ARHGAP24: variants seen among roughly 807,000 people sequenced by gnomAD.
The protein encoded by ARHGAP24 is rho GTPase-activating protein 24.
ARHGAP24 carries 50 observed loss-of-function variants against 76.4 expected under a neutral mutation model. That is an observed-to-expected ratio of 0.65 (90% CI 0.52 to 0.83). The LOEUF is 0.83. ARHGAP24 is among the 40% of genes least tolerant of loss of function. The pLI, the probability that ARHGAP24 is intolerant of heterozygous loss-of-function variation, is 0.00. For synonymous variants in ARHGAP24, 345 were observed against 323.3 expected (o/e 1.07, Z -0.72); for missense variants, 930 against 914.2 (o/e 1.02, Z -0.22).
At chr4:85,516,732 A>G (rs1338664242) in intron 1 of ARHGAP24, among the ~76,000 whole-genome samples, 1 of 149,728 alleles carries the variant, frequency 6.7e-6, no homozygotes, top group Non-Finnish European at 1.5e-5. Context: ...TGTTTTCTTC[A>G]TTTTTAGTCT....
At chr4:85,889,507 AC>A (rs1407810770) in intron 3 of ARHGAP24, among the ~76,000 whole-genome samples, 1 of 152,202 alleles carries the variant, frequency 6.6e-6, no homozygotes. Flanking sequence ...GAAGTGAAAC[AC>A]CTTTTATTCT....
At chr4:85,667,435 G>T (rs929673584) in intron 2 of ARHGAP24, among the ~76,000 whole-genome samples, 1 of 151,484 alleles carries the variant, frequency 6.6e-6, no homozygotes, top group African/African-American at 2.5e-5. Flanking sequence ...GGAACTCCCT[G>T]ACCCCTTGTG....
At chr4:85,890,745 G>C (rs981366920) in intron 3 of ARHGAP24, among the ~76,000 whole-genome samples, 2 of 152,158 alleles carry the variant, frequency 1.3e-5, no homozygotes, top group African/African-American at 4.8e-5. Flanking sequence ...AGACTGTTAA[G>C]GGCTTTGCAC....
intron 3 of ARHGAP24, chr4:85,778,665 T>C: frequency 1.0e-6 from 1 of 983,856 alleles, no homozygotes; most frequent in Non-Finnish European, 1.2e-6. Context: ...TATTTCCTTG[T>C]AGGTTTTTTT....
intron 1 of ARHGAP24, among the ~76,000 whole-genome samples, chr4:85,511,188 G>C (rs571230326): frequency 6.6e-6 from 1 of 152,256 alleles, no homozygotes; most frequent in East Asian, 1.9e-4. Context: ...AACTGAGGCA[G>C]AAAATAAGAA....
intron 2 of ARHGAP24, among the ~76,000 whole-genome samples, chr4:85,586,113 C>T (rs1426374283): frequency 6.6e-6 from 1 of 152,192 alleles, no homozygotes; most frequent in Admixed American, 6.5e-5. Context: ...CTTGTTATCG[C>T]TCTTTCTTTT....
chr4:85,755,645 T>TTTTTTTTTGAGACGGAGTCTC (rs1726461381), intron 3 of ARHGAP24, among the ~76,000 whole-genome samples: 1 of 114,870 alleles, frequency 8.7e-6, no homozygotes, highest in Non-Finnish European at 1.9e-5. Flanking sequence ...TGTTTTGTTT[T>TTTTTTTTTGAGACGGAGTCTC]GTTTTGAGAC....
chr4:85,523,867 T>A (rs1352693310), intron 1 of ARHGAP24, among the ~76,000 whole-genome samples: 1 of 152,086 alleles, frequency 6.6e-6, no homozygotes, highest in Non-Finnish European at 1.5e-5. Flanking sequence ...ATGGATTCTA[T>A]TGATTTCTTT....
chr4:85,961,863 G>T (rs1738278027), intron 5 of ARHGAP24, among the ~76,000 whole-genome samples: 1 of 151,976 alleles, frequency 6.6e-6, no homozygotes, highest in African/African-American at 2.4e-5. Context: ...CTCTTGGGAA[G>T]TCCTTGGTTA....
At chr4:85,531,019 G>A (rs1381109535) in intron 1 of ARHGAP24, among the ~76,000 whole-genome samples, 1 of 152,002 alleles carries the variant, frequency 6.6e-6, no homozygotes, top group Non-Finnish European at 1.5e-5. Context: ...ACATAAGCCA[G>A]ATGGCTGATT....
At chr4:85,928,454 T>G (rs1736142264) in intron 4 of ARHGAP24, among the ~76,000 whole-genome samples, 2 of 152,066 alleles carry the variant, frequency 1.3e-5, no homozygotes, top group Admixed American at 1.3e-4. Flanking sequence ...ATAGTTTTTT[T>G]GTTTTGTTTT....
intron 2 of ARHGAP24, among the ~76,000 whole-genome samples, chr4:85,698,996 T>C (rs1405657985): frequency 6.6e-6 from 1 of 152,148 alleles, no homozygotes; most frequent in African/African-American, 2.4e-5. Context: ...TGACATCCCT[T>C]ATGACCTCAT....
intron 5 of ARHGAP24, among the ~76,000 whole-genome samples, chr4:85,957,155 TCAGC>T (rs1380218967): frequency 2.1e-5 from 2 of 95,602 alleles, no homozygotes; most frequent in Non-Finnish European, 4.8e-5. Context: ...GGATTCTTAG[TCAGC>T]CTAGGAAATC....
intron 4 of ARHGAP24, among the ~76,000 whole-genome samples, chr4:85,929,013 C>T (rs954252039): frequency 6.6e-6 from 1 of 152,072 alleles, no homozygotes; most frequent in African/African-American, 2.4e-5. Context: ...GTTTTACTTC[C>T]CTTGCCTTTG....
chr4:85,647,388 G>A (rs1346744568), intron 2 of ARHGAP24, among the ~76,000 whole-genome samples: 1 of 151,896 alleles, frequency 6.6e-6, no homozygotes, highest in Non-Finnish European at 1.5e-5. Context: ...CTTTGGCTTG[G>A]TTTGGTGTCC....
At chr4:85,890,774 C>T (rs1427831203) in intron 3 of ARHGAP24, among the ~76,000 whole-genome samples, 1 of 152,096 alleles carries the variant, frequency 6.6e-6, no homozygotes, top group East Asian at 1.9e-4. Context: ...AACTGGGGAC[C>T]TTATCCTCTC....
intron 2 of ARHGAP24, among the ~76,000 whole-genome samples, chr4:85,624,025 A>C (rs1720823821): frequency 6.6e-6 from 1 of 152,212 alleles, no homozygotes; most frequent in South Asian, 2.1e-4. Flanking sequence ...CAATCATATC[A>C]TCTGCAAACA....
At chr4:85,601,659 C>T (rs1183224683) in intron 2 of ARHGAP24, among the ~76,000 whole-genome samples, 1 of 152,034 alleles carries the variant, frequency 6.6e-6, no homozygotes, top group Admixed American at 6.5e-5. Context: ...GTTAAAAATA[C>T]CTAGATTGTG....
At chr4:85,574,335 A>G (rs189847624) in intron 2 of ARHGAP24, among the ~76,000 whole-genome samples, 5 of 152,332 alleles carry the variant, frequency 3.3e-5, no homozygotes. Flanking sequence ...CGATGCTATG[A>G]GTACACAGGT....
Sources: gnomAD v4.1 joint callset for allele counts (sites outside exome capture counted in the v4.1 genomes callset) on GRCh38, gnomAD v4.1.1 for gene constraint, MANE v1.5 for transcripts, NCBI Gene and HGNC (gene_info 2026-07-23, HGNC 2026-07-21) for gene names.